SMOC1: variants seen among roughly 807,000 people sequenced by gnomAD.
SMOC1 encodes the protein SPARC-related modular calcium-binding protein 1.
In SMOC1, 22 loss-of-function variants were observed where a neutral mutation model predicts 56.3. That is an observed-to-expected ratio of 0.39 (90% CI 0.28 to 0.56). The LOEUF is 0.56. Among genes scored for constraint, SMOC1 ranks in the 20% least tolerant of loss-of-function variants. SMOC1 has a pLI of 0.61. For missense variants in SMOC1, 509 were observed against 565.4 expected (o/e 0.90, Z 1.01); for synonymous variants, 193 against 215.0 (o/e 0.90, Z 0.89).
intron 1 of SMOC1, among the ~76,000 whole-genome samples, chr14:69,923,173 C>A (rs1001933843): frequency 9.9e-5 from 15 of 152,028 alleles, no homozygotes; most frequent in Non-Finnish European, 1.8e-4. Context: ...TCTCGATCTC[C>A]TGACCTCATG....
intron 11 of SMOC1, among the ~76,000 whole-genome samples, chr14:70,024,144 A>G (rs1460100197): frequency 6.6e-6 from 1 of 152,186 alleles, no homozygotes; most frequent in Non-Finnish European, 1.5e-5. Flanking sequence ...CCTGGTCATA[A>G]TTCATTGGCT....
At chr14:70,013,253 G>A in intron 9 of SMOC1, 133 bp from the exon 10 acceptor site, 1 of 796,650 alleles carries the variant, frequency 1.3e-6, no homozygotes, top group Non-Finnish European at 2.1e-6. Flanking sequence ...CATCTGATCA[G>A]TAAACAAATC....
chr14:69,904,124 A>G (rs953292796), intron 1 of SMOC1, among the ~76,000 whole-genome samples: 5 of 152,140 alleles, frequency 3.3e-5, no homozygotes, highest in Admixed American at 6.5e-5. Context: ...ATTTTAAGCC[A>G]CAAGGTCTTG....
chr14:69,927,422 T>A (rs7158965), intron 1 of SMOC1, among the ~76,000 whole-genome samples: 31,069 of 152,208 alleles, frequency 0.2, 4,117 homozygotes, highest in East Asian at 0.32. Flanking sequence ...GGCTCACACC[T>A]GTAATCCCAG....
rs573235792 is a variant in SMOC1 at position 69,929,038 on chromosome 14, C to G, written c.100-23100C>G. ...CCTGATCCCTCAGGAAGGTCTCTTC[C>G]AGGAGCTGGGAGTCTCCCCGGGGTT... is the stretch of plus-strand genomic sequence containing the variant. On this transcript the variant is annotated intron_variant, in intron 1 of 11. Coordinates refer to ENST00000361956, the MANE Select transcript of SMOC1 (RefSeq NM_001034852.3). Among the ~76,000 whole-genome samples the G allele has an allele frequency of 5.9e-5, 9 of 152,282 alleles. No individual in the cohort carries two copies. In the East Asian group the frequency reaches 1.7e-3, roughly 29 times the overall value.
intron 1 of SMOC1, chr14:69,885,550 C>T: frequency 1.3e-6 from 2 of 1,596,914 alleles, no homozygotes; most frequent in Admixed American, 1.7e-5. Context: ...TGGTGCAGGT[C>T]TTCCTGTGGA....
intron 11 of SMOC1, among the ~76,000 whole-genome samples, chr14:70,024,648 G>A (rs1885856860): frequency 6.6e-6 from 1 of 152,094 alleles, no homozygotes; most frequent in African/African-American, 2.4e-5. Context: ...TGGAGGCAAG[G>A]AAACAGTTTT....
chr14:69,999,128 T>G (rs1340353765), intron 7 of SMOC1, among the ~76,000 whole-genome samples: 2 of 152,232 alleles, frequency 1.3e-5, no homozygotes, highest in Non-Finnish European at 2.9e-5. Context: ...TGACTGTGAC[T>G]GTGTTTTCTC....
At chr14:69,970,379 T>C (rs1261082842) in intron 3 of SMOC1, among the ~76,000 whole-genome samples, 1 of 152,162 alleles carries the variant, frequency 6.6e-6, no homozygotes, top group Non-Finnish European at 1.5e-5. Context: ...ATTTTTGAAG[T>C]GTTTGGGTTA....
chr14:69,963,282 G>A (rs8003166), intron 3 of SMOC1, among the ~76,000 whole-genome samples: 50,960 of 151,842 alleles, frequency 0.34, 8,841 homozygotes, highest in East Asian at 0.39. Flanking sequence ...TCCTAGGTTT[G>A]GAGACAATGT....
chr14:69,953,262 G>A (rs1883069661), intron 2 of SMOC1, among the ~76,000 whole-genome samples, 158 bp from the exon 3 acceptor site: 1 of 152,250 alleles, frequency 6.6e-6, no homozygotes, highest in African/African-American at 2.4e-5. Context: ...AAGGGGGGCT[G>A]TGCAGCAGTT....
At chr14:70,000,344 A>G (rs1165544228) in intron 7 of SMOC1, among the ~76,000 whole-genome samples, 4 of 152,232 alleles carry the variant, frequency 2.6e-5, no homozygotes, top group Non-Finnish European at 5.9e-5. Context: ...TGCTCTTAAA[A>G]GTACGGAGAC....
In SMOC1 at chr14:69,886,009, G is replaced by A. The variant is rs1594785829; in HGVS notation, c.99+6232G>A. ...GGGTGAGGTCTCTTTTGGGCTGGAT[G>A]TCCTGTCCAATGCCAAAATTCTTAG... On this transcript the variant is annotated intron_variant, in intron 1 of 11. Transcript: ENST00000361956. The A allele has an allele frequency of 2.5e-6, 4 of 1,584,920 alleles. No homozygotes were observed. In the South Asian group the frequency reaches 3.3e-5, roughly 13 times the overall value.
chr14:69,921,576 C>T (rs927368995), intron 1 of SMOC1, among the ~76,000 whole-genome samples: 4 of 152,140 alleles, frequency 2.6e-5, no homozygotes, highest in African/African-American at 9.7e-5. Context: ...GTAGACTAGT[C>T]TGCAAGAGGC....
At chr14:69,891,889 A>C in intron 1 of SMOC1, among the ~76,000 whole-genome samples, 1 of 152,236 alleles carries the variant, frequency 6.6e-6, no homozygotes, top group South Asian at 2.1e-4. Context: ...TGTTTATCTG[A>C]AATTGAAATT....
chr14:69,986,206 C>T (rs964331558), intron 5 of SMOC1, among the ~76,000 whole-genome samples: 2 of 152,086 alleles, frequency 1.3e-5, no homozygotes, highest in African/African-American at 4.8e-5. Flanking sequence ...GAAATGACAG[C>T]ATTATAGAGA....
At chr14:69,900,238 C>G (rs558327082) in intron 1 of SMOC1, among the ~76,000 whole-genome samples, 1 of 152,290 alleles carries the variant, frequency 6.6e-6, no homozygotes, top group African/African-American at 2.4e-5. Flanking sequence ...ACCCAACTAC[C>G]TAGTCCTTAT....
At chr14:69,907,020 G>A (rs1315606599) in intron 1 of SMOC1, among the ~76,000 whole-genome samples, 1 of 152,224 alleles carries the variant, frequency 6.6e-6, no homozygotes, top group African/African-American at 2.4e-5. Context: ...GGAATGTCTT[G>A]AGGGAAATAG....
chr14:69,882,152 C>G (rs553576698), intron 1 of SMOC1, among the ~76,000 whole-genome samples: 1 of 152,292 alleles, frequency 6.6e-6, no homozygotes, highest in African/African-American at 2.4e-5. Flanking sequence ...GACTCCAGTT[C>G]TTTTCTATGG....
Sources: allele counts gnomAD v4.1 joint callset (sites outside exome capture counted in the v4.1 genomes callset), GRCh38; gene constraint gnomAD v4.1.1; transcripts MANE v1.5; gene names NCBI Gene and HGNC (gene_info 2026-07-23, HGNC 2026-07-21).